Variants in SGF29 observed in about 807,000 individuals in gnomAD.
SGF29 encodes the protein SAGA complex associated factor 29.
Under a neutral mutation model 38.1 loss-of-function variants are expected in SGF29, and 15 were observed. That is an observed-to-expected ratio of 0.39 (90% confidence interval 0.26 to 0.61). The LOEUF (loss-of-function observed/expected upper bound fraction) is 0.61, where lower values mean the gene tolerates loss of function less well. Ranked by LOEUF, SGF29 falls within the 20% of genes least tolerant of loss-of-function variation. The pLI is 0.49. For synonymous variants in SGF29, 151 were observed against 160.8 expected (o/e 0.94, Z 0.46); for missense variants, 184 against 394.6 (o/e 0.47, Z 4.52).
Position 28,565,213 on chromosome 16 carries a change from C to A in SGF29, c.-16+11116C>A, listed in dbSNP as rs562575802. 1.1e-3 allele frequency among the ~76,000 whole-genome samples: 174 copies of A among 152,280 alleles called. 1 individual carries two copies. Among genetic ancestry groups the A allele is most frequent in the African/African-American group, 4.1e-3 (169 of 41,546 alleles). ...GTGCCCACCCATATGGAGGATGGGT[C>A]TTCCTCTCCTAGTCCACTGACAAAT... On this transcript the variant is annotated intron_variant, in intron 1 of 9. Coordinates refer to ENST00000317058, the MANE Select transcript of SGF29 (RefSeq NM_138414.3).
intron 1 of SGF29, among the ~76,000 whole-genome samples, chr16:28,560,181 G>A (rs1334822794): frequency 6.6e-6 from 1 of 151,682 alleles, no homozygotes; most frequent in Non-Finnish European, 1.5e-5. Flanking sequence ...AGCTGAGATC[G>A]TGCCACCACT....
rs2046980598 is a variant in SGF29 at position 28,590,259 on chromosome 16, C to G, written c.419+34C>G. 2 of 1,608,470 alleles carry G rather than the reference C, an allele frequency of 1.2e-6. No homozygotes were observed. The highest frequency in any genetic ancestry group is 8.5e-7 in the Non-Finnish European group (1 of 1,177,764). ...AGCAGCTGCGAGGGAGGGGCTGGTGCCCAGGGGCTGGGACTGACCCTTTGT... is the reference window on the plus strand; with the variant it reads ...AGCAGCTGCGAGGGAGGGGCTGGTGGCCAGGGGCTGGGACTGACCCTTTGT... On this transcript the variant is annotated intron_variant, in intron 6 of 9. Coordinates refer to ENST00000317058, the MANE Select transcript of SGF29 (RefSeq NM_138414.3). The surrounding 1 kb of genome is among the most constrained non-coding windows in gnomAD (Gnocchi z 8.2).
intron 1 of SGF29, among the ~76,000 whole-genome samples, chr16:28,573,105 T>C (rs2046874271): frequency 6.6e-6 from 1 of 152,208 alleles, no homozygotes; most frequent in African/African-American, 2.4e-5. Flanking sequence ...GGGAGACCCC[T>C]CTGAGTCCTC....
chr16:28,556,783 A>G (rs569012471), intron 1 of SGF29, among the ~76,000 whole-genome samples: 1 of 152,222 alleles, frequency 6.6e-6, no homozygotes, highest in African/African-American at 2.4e-5. Flanking sequence ...AGCTAGGACT[A>G]CACATGTGCA....
chr16:28,565,272 AC>A (rs1353796258), intron 1 of SGF29, among the ~76,000 whole-genome samples: 1 of 151,924 alleles, frequency 6.6e-6, no homozygotes, highest in African/African-American at 2.4e-5. Context: ...TCACAGACAC[AC>A]CCAGGAACAG....
At chr16:28,554,890 G>T (rs2046738590) in intron 1 of SGF29, among the ~76,000 whole-genome samples, 2 of 152,174 alleles carry the variant, frequency 1.3e-5, no homozygotes, top group Non-Finnish European at 2.9e-5. Context: ...GTGGATCACT[G>T]CCCCTCCTTG....
intron 1 of SGF29, among the ~76,000 whole-genome samples, chr16:28,568,927 A>G (rs998376220): frequency 5.8e-4 from 88 of 151,688 alleles, no homozygotes; most frequent in Non-Finnish European, 2.5e-4. Context: ...AAGAAAAAAA[A>G]AAAATACAAA....
intron 4 of SGF29, 124 bp from the exon 5 acceptor site, chr16:28,588,976 G>C (rs1177743723): frequency 2.1e-5 from 20 of 975,544 alleles, no homozygotes; most frequent in Non-Finnish European, 3.2e-5. Flanking sequence ...AGGCTACTGT[G>C]AGAACCTCTG....
chr16:28,560,877 C>A (rs1253884517), intron 1 of SGF29, among the ~76,000 whole-genome samples: 1 of 149,326 alleles, frequency 6.7e-6, no homozygotes, highest in East Asian at 2.0e-4. Flanking sequence ...AGGAGAATGG[C>A]GTGAACCTGG....
intron 1 of SGF29, among the ~76,000 whole-genome samples, chr16:28,580,459 G>A (rs148384370): frequency 5.9e-5 from 9 of 152,224 alleles, no homozygotes; most frequent in African/African-American, 1.9e-4. Flanking sequence ...CATCTCTCCC[G>A]GCTGGATGGG....
intron 1 of SGF29, among the ~76,000 whole-genome samples, chr16:28,576,116 A>G (rs1374283846): frequency 1.3e-5 from 2 of 152,202 alleles, no homozygotes; most frequent in African/African-American, 4.8e-5. Context: ...GGTTAAACAG[A>G]GTTTATGTTT....
rs2046943725 is a variant in SGF29, at chr16:28,584,509, G to T, written c.76-404G>T. 2.0e-5 allele frequency among the ~76,000 whole-genome samples: 3 copies of T among 151,852 alleles called. No individual in the cohort carries two copies. The South Asian group carries it at 6.2e-4, about 32-fold the overall frequency. ...CTCTACTAAAAATACAAAAAATTAG[G>T]CCGGGCGCATTGGCTTACGCCTGTA... is the stretch of plus-strand genomic sequence containing the variant. On this transcript the variant is annotated intron_variant, in intron 2 of 9. Coordinates refer to ENST00000317058, the MANE Select transcript of SGF29 (RefSeq NM_138414.3).
rs759577655 is a variant in SGF29 at position 28,581,094 on chromosome 16, C to T, written c.25C>T (p.Arg9Cys). 6.2e-6 allele frequency: 10 copies of T among 1,613,950 alleles called. No homozygotes were observed. Among genetic ancestry groups the T allele is most frequent in the African/African-American group, 4.0e-5 (3 of 74,918 alleles). Residue 9 changes from arginine (R) to cysteine (C), a missense_variant, in exon 2 of 10, where the codon CGC becomes TGC. Arg to Cys is a radical substitution (Grantham distance 180). Around this residue, in one of 2 missense-constraint regions of SGF29, gnomAD observed 77 missense variants for 117.7 expected, o/e 0.65. Coordinates refer to ENST00000317058, the MANE Select transcript of SGF29 (RefSeq NM_138414.3). ...AATGGCCCTCGTGTCTGCCGATTCC[C>T]GCATTGCAGAACTTCTCACAGAGCT... The part of the protein sequence containing the change: MALVSADS[R>C]IAELLTELHQ...
intron 1 of SGF29, among the ~76,000 whole-genome samples, chr16:28,569,398 G>A (rs1325305076): frequency 3.3e-5 from 5 of 152,208 alleles, no homozygotes; most frequent in Non-Finnish European, 7.3e-5. Context: ...AATGGCTTAC[G>A]CCTGTAATCC....
intron 1 of SGF29, among the ~76,000 whole-genome samples, chr16:28,563,411 G>A (rs983300702): frequency 2.0e-5 from 3 of 152,152 alleles, no homozygotes; most frequent in Non-Finnish European, 4.4e-5. Flanking sequence ...GCCAGGCTAG[G>A]CACTACCCAG....
intron 1 of SGF29, among the ~76,000 whole-genome samples, chr16:28,555,729 C>T (rs967094371): frequency 3.9e-4 from 60 of 152,140 alleles, no homozygotes; most frequent in African/African-American, 1.4e-3. Flanking sequence ...ATCCCCTAGC[C>T]CAATCAGTTT....
intron 1 of SGF29, among the ~76,000 whole-genome samples, chr16:28,564,527 G>A (rs186312424): frequency 4.2e-5 from 5 of 118,082 alleles, no homozygotes; most frequent in South Asian, 2.4e-4. Context: ...ATATGTGTGT[G>A]TATATATATA....
intron 1 of SGF29, among the ~76,000 whole-genome samples, chr16:28,559,044 G>A (rs1326324758): frequency 6.6e-6 from 1 of 152,194 alleles, no homozygotes; most frequent in Admixed American, 6.5e-5. Flanking sequence ...TGGGGTGGGT[G>A]CGGTGGCTCA....
intron 1 of SGF29, among the ~76,000 whole-genome samples, chr16:28,554,694 A>G (rs1431979364): frequency 6.6e-6 from 1 of 152,092 alleles, no homozygotes; most frequent in Non-Finnish European, 1.5e-5. Context: ...TCCGGTTTGC[A>G]GCCAAAGGCC....
Sources: allele counts gnomAD v4.1 joint callset (sites outside exome capture counted in the v4.1 genomes callset), GRCh38; gene constraint gnomAD v4.1.1; regional missense constraint gnomAD v4.1.1; non-coding constraint Gnocchi (gnomAD v3.1); transcripts MANE v1.5; gene names NCBI Gene and HGNC (gene_info 2026-07-23, HGNC 2026-07-21).